PTPRT: variants seen among roughly 807,000 people sequenced by gnomAD.
The protein encoded by PTPRT is protein tyrosine phosphatase receptor type T.
PTPRT carries 56 observed loss-of-function variants against 176.8 expected under a neutral mutation model. The ratio of observed to expected loss-of-function variants is 0.32; its 90% CI spans 0.26 to 0.40. The LOEUF (loss-of-function observed/expected upper bound fraction) is 0.40. Ranked by LOEUF, PTPRT falls within the 10% of genes least tolerant of loss-of-function variation. PTPRT has a pLI of 1.00. For synonymous variants in PTPRT, 783 were observed against 739.0 expected (o/e 1.06, Z -0.96); for missense variants, 1,540 against 1,908.2 (o/e 0.81, Z 3.60).
chr20:42,737,266 G>C (rs1168071886), intron 6 of PTPRT, among the ~76,000 whole-genome samples: 2 of 152,174 alleles, frequency 1.3e-5, no homozygotes, highest in Non-Finnish European at 2.9e-5. Context: ...TGTGACGACA[G>C]AGGCAGAGAC....
At chr20:43,015,488 G>A (rs972247672) in intron 1 of PTPRT, among the ~76,000 whole-genome samples, 1 of 152,200 alleles carries the variant, frequency 6.6e-6, no homozygotes, top group African/African-American at 2.4e-5. Flanking sequence ...TATGGTCCAT[G>A]TATGCAGGAA....
chr20:42,590,056 A>T (rs2073542370), intron 7 of PTPRT, among the ~76,000 whole-genome samples: 1 of 152,132 alleles, frequency 6.6e-6, no homozygotes, highest in South Asian at 2.1e-4. Context: ...AGCTAAACAT[A>T]AAAGTTACAA....
intron 8 of PTPRT, among the ~76,000 whole-genome samples, chr20:42,468,408 CA>C (rs1263198396): frequency 6.6e-6 from 1 of 152,222 alleles, no homozygotes; most frequent in Non-Finnish European, 1.5e-5. Context: ...TGGCATACAG[CA>C]GGGTCCTACA....
intron 7 of PTPRT, among the ~76,000 whole-genome samples, chr20:42,672,562 T>TG (rs1412645918): frequency 6.6e-6 from 1 of 152,202 alleles, no homozygotes; most frequent in African/African-American, 2.4e-5. Context: ...AGTATCACCT[T>TG]TGACTCCCTA....
intron 1 of PTPRT, among the ~76,000 whole-genome samples, chr20:42,892,437 T>C (rs2079209767): frequency 6.6e-6 from 1 of 151,814 alleles, no homozygotes; most frequent in African/African-American, 2.4e-5. Context: ...CTCACCATGA[T>C]GCTTCCAGAA....
chr20:43,073,984 G>A (rs1321101992), intron 1 of PTPRT, among the ~76,000 whole-genome samples: 1 of 152,082 alleles, frequency 6.6e-6, no homozygotes, highest in Non-Finnish European at 1.5e-5. Flanking sequence ...GAACTCCTGG[G>A]CTCAAGGGAT....
chr20:43,136,898 G>A (rs190079886), intron 1 of PTPRT, among the ~76,000 whole-genome samples: 11 of 152,290 alleles, frequency 7.2e-5, no homozygotes, highest in Non-Finnish European at 8.8e-5. Flanking sequence ...ATTTGAAGAC[G>A]TTTCTTTGTG....
At chr20:42,128,653 T>C in intron 19 of PTPRT, 101 bp downstream of exon 19, 1 of 1,014,816 alleles carries the variant, frequency 9.9e-7, no homozygotes, top group Non-Finnish European at 1.4e-6. Context: ...GGATCCAGAC[T>C]GCTCTGGAAG....
chr20:42,332,029 TA>T (rs1329588158), intron 11 of PTPRT, among the ~76,000 whole-genome samples: 1 of 151,764 alleles, frequency 6.6e-6, no homozygotes, highest in Non-Finnish European at 1.5e-5. Flanking sequence ...ATACTTGCTA[TA>T]AAAGCAAAAA....
At chr20:42,132,124 A>C (rs919156923) in intron 18 of PTPRT, among the ~76,000 whole-genome samples, 3 of 152,162 alleles carry the variant, frequency 2.0e-5, no homozygotes, top group African/African-American at 7.2e-5. Context: ...GGACAGTGGA[A>C]AGGTGCTTTA....
intron 7 of PTPRT, among the ~76,000 whole-genome samples, chr20:42,579,391 C>T (rs1261997396): frequency 6.6e-6 from 1 of 152,114 alleles, no homozygotes; most frequent in Non-Finnish European, 1.5e-5. Flanking sequence ...GTCTTTATAG[C>T]AGCATGATTT....
intron 7 of PTPRT, among the ~76,000 whole-genome samples, chr20:42,509,009 A>G (rs2071906233): frequency 8.9e-6 from 1 of 112,022 alleles, no homozygotes; most frequent in South Asian, 3.0e-4. Flanking sequence ...TATAAATTAT[A>G]TAATTTATAT....
At chr20:42,457,756 T>C (rs924466575) in intron 8 of PTPRT, among the ~76,000 whole-genome samples, 1 of 152,116 alleles carries the variant, frequency 6.6e-6, no homozygotes, top group African/African-American at 2.4e-5. Context: ...GCAAGAGGGC[T>C]TTTTAGGTGT....
At chr20:43,168,217 G>A (rs537250923) in intron 1 of PTPRT, among the ~76,000 whole-genome samples, 1 of 152,312 alleles carries the variant, frequency 6.6e-6, no homozygotes, top group East Asian at 1.9e-4. Context: ...CAGTAAACCA[G>A]TCTCAATCCC....
At chr20:42,814,160 ACT>A (rs762739473) in intron 2 of PTPRT, among the ~76,000 whole-genome samples, 4 of 151,828 alleles carry the variant, frequency 2.6e-5, no homozygotes, top group Non-Finnish European at 5.9e-5. Flanking sequence ...TCTCCACATC[ACT>A]CTGTGTCTCC....
chr20:42,446,580 A>ATGTGTGTGTGTGTGTGTG (rs372328206), intron 9 of PTPRT, among the ~76,000 whole-genome samples: 4 of 139,476 alleles, frequency 2.9e-5, no homozygotes, highest in African/African-American at 1.1e-4. Flanking sequence ...TTTCATGTAA[A>ATGTGTGTGTGTGTGTGTG]TGTGTGTGTG....
intron 11 of PTPRT, among the ~76,000 whole-genome samples, chr20:42,338,474 C>T (rs1159450308): frequency 6.6e-6 from 1 of 152,182 alleles, no homozygotes; most frequent in African/African-American, 2.4e-5. Context: ...ACTTTCAAAA[C>T]ATTCCCACCA....
rs529179899 is a variant in PTPRT, at chr20:42,741,234, G to A, written c.859+15228C>T. 7.9e-5 allele frequency among the ~76,000 whole-genome samples: 12 copies of A among 152,318 alleles called. No individual in the cohort carries two copies. The South Asian group carries it at 2.3e-3, about 29-fold the overall frequency. Reference sequence around the variant, plus strand: ...TCATGGTAACTTCTGTTGGCATCATGGTTGATAAATTTGGGACTGGGTGAA... The same window carrying A: ...TCATGGTAACTTCTGTTGGCATCATAGTTGATAAATTTGGGACTGGGTGAA... On this transcript the variant is annotated intron_variant, in intron 6 of 30. Transcript: ENST00000373187.
intron 12 of PTPRT, among the ~76,000 whole-genome samples, chr20:42,312,097 T>A (rs1183555760): frequency 6.6e-6 from 1 of 152,240 alleles, no homozygotes; most frequent in Admixed American, 6.5e-5. Context: ...TGTAACACAC[T>A]TAGAGCCATT....
Sources: gnomAD v4.1 joint callset for allele counts (sites outside exome capture counted in the v4.1 genomes callset) on GRCh38, gnomAD v4.1.1 for gene constraint, MANE v1.5 for transcripts, NCBI Gene and HGNC (gene_info 2026-07-23, HGNC 2026-07-21) for gene names.